The following ZNF365 variants were observed in gnomAD, a reference collection of about 807,000 sequenced individuals.
ZNF365 encodes the protein protein ZNF365.
A neutral mutation model predicts 35.0 loss-of-function variants in ZNF365; 22 were observed. That is an observed-to-expected ratio of 0.63 (90% CI 0.45 to 0.90). ZNF365 has a LOEUF of 0.90. Ranked by LOEUF, ZNF365 falls within the 40% of genes least tolerant of loss-of-function variation. The pLI is 0.00. For missense variants in ZNF365, 448 were observed against 500.3 expected (o/e 0.90, Z 1.00); for synonymous variants, 188 against 196.2 (o/e 0.96, Z 0.35).
intron 3 of ZNF365, among the ~76,000 whole-genome samples, chr10:62,452,118 T>A (rs570776852): frequency 6.6e-6 from 1 of 152,296 alleles, no homozygotes; most frequent in South Asian, 2.1e-4. Flanking sequence ...CCAAGAACAG[T>A]GTTTCTTCAT....
At chr10:62,380,693 G>A (rs1364775707) in intron 2 of ZNF365, among the ~76,000 whole-genome samples, 1 of 152,210 alleles carries the variant, frequency 6.6e-6, no homozygotes, top group Non-Finnish European at 1.5e-5. Context: ...GACAAAGTCA[G>A]TGTGATTTTA....
chr10:62,407,769 G>A (rs761861944), intron 3 of ZNF365, among the ~76,000 whole-genome samples: 29 of 152,178 alleles, frequency 1.9e-4, no homozygotes, highest in Non-Finnish European at 3.5e-4. Context: ...TCTATGGTAA[G>A]ATAGAAAATA....
At chr10:62,435,900 T>C (rs1326928660) in intron 3 of ZNF365, among the ~76,000 whole-genome samples, 1 of 152,192 alleles carries the variant, frequency 6.6e-6, no homozygotes, top group Non-Finnish European at 1.5e-5. Flanking sequence ...GTATAAAAAA[T>C]GATATTTCAG....
At chr10:62,389,036 T>C (rs1281246903) in intron 3 of ZNF365, among the ~76,000 whole-genome samples, 1 of 152,122 alleles carries the variant, frequency 6.6e-6, no homozygotes, top group Non-Finnish European at 1.5e-5. Context: ...ACAGTCTCTA[T>C]AAGTTAAAAT....
rs142733882 is a variant in ZNF365, at chr10:62,442,761, A to T, written c.925-16980A>T. ...AAAATATTCAGATGTCTTCTCAGGG[A>T]GTCCTCACATTGGCTTTTTATTTTT... On this transcript the variant is annotated intron_variant, in intron 3 of 4. Transcript: ENST00000395255. Among the ~76,000 whole-genome samples the T allele has an allele frequency of 2.7e-3, 408 of 152,268 alleles. 3 individuals carry two copies. Among genetic ancestry groups the T allele is most frequent in the African/African-American group, 9.1e-3 (378 of 41,548 alleles).
intron 3 of ZNF365, among the ~76,000 whole-genome samples, chr10:62,390,009 G>C (rs1839600361): frequency 6.6e-6 from 1 of 152,092 alleles, no homozygotes; most frequent in African/African-American, 2.4e-5. Context: ...TGTGGCTGGA[G>C]GGACTATCTG....
intron 2 of ZNF365, among the ~76,000 whole-genome samples, chr10:62,383,091 G>A (rs748696535): frequency 2.0e-5 from 3 of 152,166 alleles, no homozygotes; most frequent in Non-Finnish European, 2.9e-5. Context: ...AAGGAAAAAA[G>A]AAACTTAAGG....
At chr10:62,389,922 G>T (rs1589431055) in intron 3 of ZNF365, among the ~76,000 whole-genome samples, 1 of 152,100 alleles carries the variant, frequency 6.6e-6, no homozygotes, top group African/African-American at 2.4e-5. Context: ...ATGCTTCTGA[G>T]GGGGAAGTCA....
At chr10:62,470,457 G>A (rs1841015664) in intron 4 of ZNF365, among the ~76,000 whole-genome samples, 1 of 152,200 alleles carries the variant, frequency 6.6e-6, no homozygotes, top group Non-Finnish European at 1.5e-5. Flanking sequence ...TGCCAGTGCT[G>A]GCAGTTGGAA....
At chr10:62,433,429 A>T (rs1840361798) in intron 3 of ZNF365, among the ~76,000 whole-genome samples, 1 of 152,176 alleles carries the variant, frequency 6.6e-6, no homozygotes, top group Non-Finnish European at 1.5e-5. Context: ...ATTTAAAAAA[A>T]CAGAGAATAT....
chr10:62,440,475 A>T (rs1840481454), intron 3 of ZNF365, among the ~76,000 whole-genome samples: 1 of 152,132 alleles, frequency 6.6e-6, no homozygotes, highest in Non-Finnish European at 1.5e-5. Flanking sequence ...TAGAGGGCAG[A>T]GGTTTTTCTT....
intron 3 of ZNF365, among the ~76,000 whole-genome samples, chr10:62,419,509 A>T (rs1589445662): frequency 6.6e-6 from 1 of 151,488 alleles, no homozygotes; most frequent in African/African-American, 2.4e-5. Context: ...AAAAAAAAAA[A>T]GGACGGGGTG....
At chr10:62,405,712 T>G (rs1839895397), downstream of ZNF365, among the ~76,000 whole-genome samples, 1 of 152,228 alleles carries the variant, frequency 6.6e-6, no homozygotes, top group African/African-American at 2.4e-5. Context: ...AAGTCTCAGA[T>G]TGAAGTCTGT....
intron 2 of ZNF365, among the ~76,000 whole-genome samples, chr10:62,388,084 CT>C (rs1839553514): frequency 6.6e-6 from 1 of 152,200 alleles, no homozygotes; most frequent in Admixed American, 6.5e-5. Flanking sequence ...TCGTTTCTAA[CT>C]TTGCTTTTTA....
chr10:62,427,159 T>G (rs1393285424), intron 3 of ZNF365, among the ~76,000 whole-genome samples: 1 of 152,224 alleles, frequency 6.6e-6, no homozygotes, highest in Non-Finnish European at 1.5e-5. Context: ...CTTATGCTTT[T>G]TCTATACTAT....
At chr10:62,377,772 A>G (rs897553100) in intron 2 of ZNF365, among the ~76,000 whole-genome samples, 1 of 152,248 alleles carries the variant, frequency 6.6e-6, no homozygotes, top group African/African-American at 2.4e-5. Flanking sequence ...GTCAGATTTC[A>G]TTTTAAATAG....
intron 4 of ZNF365, among the ~76,000 whole-genome samples, chr10:62,469,024 G>T (rs966176539): frequency 6.6e-6 from 1 of 152,180 alleles, no homozygotes; most frequent in African/African-American, 2.4e-5. Flanking sequence ...CACAATCAAA[G>T]CAATGGCTAC....
rs113271312 is a variant in ZNF365 at position 62,472,047 on chromosome 10, G to A, written c.982-7829G>A. The stretch of plus-strand genomic sequence containing the variant: ...GTAGTTACATGGGAGAAGTGAGCCA[G>A]AGCTGGGGTGCATAGCACAATACAC... On this transcript the variant is annotated intron_variant, in intron 4 of 4. Transcript: ENST00000395255. Among the ~76,000 whole-genome samples, 575 of 152,336 alleles carry A rather than the reference G, an allele frequency of 3.8e-3. 7 individuals carry two copies. The highest frequency in any genetic ancestry group is 0.013 in the African/African-American group (539 of 41,570).
At chr10:62,440,829 A>C (rs149162253) in intron 3 of ZNF365, among the ~76,000 whole-genome samples, 29 of 152,318 alleles carry the variant, frequency 1.9e-4, no homozygotes, top group African/African-American at 6.5e-4. Flanking sequence ...TTACTGCCTC[A>C]GTGCCTGGCA....
Sources: allele counts gnomAD v4.1 joint callset (sites outside exome capture counted in the v4.1 genomes callset), GRCh38; gene constraint gnomAD v4.1.1; transcripts MANE v1.5; gene names NCBI Gene and HGNC (gene_info 2026-07-23, HGNC 2026-07-21).